NALCN: variants seen among roughly 807,000 people sequenced by gnomAD.
The protein encoded by NALCN is sodium leak channel NALCN.
Under a neutral mutation model 225.3 loss-of-function variants are expected in NALCN, and 111 were observed. The observed-to-expected ratio is 0.49, with a 90% confidence interval of 0.42 to 0.58. The LOEUF (loss-of-function observed/expected upper bound fraction) is 0.58, where lower values mean the gene tolerates loss of function less well. Ranked by LOEUF, NALCN falls within the 20% of genes least tolerant of loss-of-function variation. NALCN has a pLI of 0.00. For missense variants in NALCN, 1,378 were observed against 2,202.4 expected (o/e 0.63, Z 7.49); for synonymous variants, 764 against 769.0 (o/e 0.99, Z 0.11).
Position 101,068,726 on chromosome 13 carries a change from G to C in NALCN, c.4299C>G (p.Ile1433Met). 6.2e-7 allele frequency: 1 copy of C among 1,610,834 alleles called. No homozygotes were observed. Among genetic ancestry groups the C allele is most frequent in the Non-Finnish European group, 8.5e-7 (1 of 1,178,746 alleles). ...ALMYFCSFYVIIAYIMLNLLV... is the reference protein window; with the variant it reads ...ALMYFCSFYVMIAYIMLNLLV... ...GCAGATTTAGCATGATGTAGGCAAT[G>C]ATGACATAAAATGAACAGAAATACA... Residue 1433 changes from isoleucine (I) to methionine (M), a missense_variant, in exon 38 of 44, where the codon ATC becomes ATG. Ile to Met is a conservative substitution (Grantham distance 10). Coordinates refer to ENST00000251127, the MANE Select transcript of NALCN (RefSeq NM_052867.4).
chr13:101,057,994 A>C lies in NALCN; in HGVS notation c.4968T>G (p.Asp1656Glu). 1 of 1,613,918 alleles carries C rather than the reference A, an allele frequency of 6.2e-7. No homozygotes were observed. Among genetic ancestry groups the C allele is most frequent in the African/African-American group, 1.3e-5 (1 of 75,026 alleles). ...TLSDRGGSRQ[D>E]AADAGKPQRK... ...TCTGGGGTTTCCCTGCGTCGGCTGC[A>C]TCTTGCCGACTTCCTCCTCGATCCG... The change falls in exon 43 of 44, where the codon GAT becomes GAG. Residue 1656 changes from aspartate (D) to glutamate (E), a missense_variant. Coordinates refer to ENST00000251127, the MANE Select transcript of NALCN (RefSeq NM_052867.4).
chr13:101,194,362 T>C lies in NALCN; in HGVS notation c.1627-2308A>G, dbSNP rs113193273. On this transcript the variant is annotated intron_variant, in intron 13 of 43. Coordinates refer to ENST00000251127, the MANE Select transcript of NALCN (RefSeq NM_052867.4). Reference sequence around the variant, plus strand: ...TGTGACAATGGGATCTGTGTGTTTATGGCTGCTGAAATGAATAAACCAATG... The same window carrying C: ...TGTGACAATGGGATCTGTGTGTTTACGGCTGCTGAAATGAATAAACCAATG... 1.1e-3 allele frequency among the ~76,000 whole-genome samples: 161 copies of C among 152,326 alleles called. 1 individual carries two copies. Among genetic ancestry groups the C allele is most frequent in the Middle Eastern group, 0.01 (3 of 294 alleles).
intron 10 of NALCN, among the ~76,000 whole-genome samples, chr13:101,260,017 C>T (rs549825614): frequency 1.3e-5 from 2 of 151,944 alleles, no homozygotes; most frequent in African/African-American, 2.4e-5. Flanking sequence ...TGCCTCCCCC[C>T]GTCCCCCCAG....
chr13:101,061,851 G>T, intron 41 of NALCN, 117 bp downstream of exon 41: 1 of 940,130 alleles, frequency 1.1e-6, no homozygotes, highest in Non-Finnish European at 1.6e-6. Context: ...TAAAGGGATA[G>T]AAGGCTGATC....
At chr13:101,350,923 A>G (rs1456754130) in intron 6 of NALCN, among the ~76,000 whole-genome samples, 1 of 152,238 alleles carries the variant, frequency 6.6e-6, no homozygotes, top group African/African-American at 2.4e-5. Flanking sequence ...TTAACAGCCT[A>G]CAAAATTACA....
chr13:101,138,161 C>T (rs2036896373), intron 17 of NALCN, among the ~76,000 whole-genome samples: 1 of 152,192 alleles, frequency 6.6e-6, no homozygotes, highest in South Asian at 2.1e-4. Flanking sequence ...ATGTGCATTT[C>T]CTCCCATTGG....
intron 27 of NALCN, among the ~76,000 whole-genome samples, chr13:101,098,700 A>C (rs1276528671): frequency 1.3e-5 from 2 of 152,078 alleles, no homozygotes; most frequent in African/African-American, 4.8e-5. Context: ...CTTTGGATTT[A>C]TCTCTTCTTT....
intron 30 of NALCN, among the ~76,000 whole-genome samples, chr13:101,087,619 C>T (rs2033997687): frequency 6.6e-6 from 1 of 152,066 alleles, no homozygotes; most frequent in East Asian, 1.9e-4. Context: ...TCTTTAAGTG[C>T]CCATTTGAGC....
At chr13:101,250,889 G>C (rs560801447) in intron 11 of NALCN, among the ~76,000 whole-genome samples, 1 of 151,712 alleles carries the variant, frequency 6.6e-6, no homozygotes, top group Admixed American at 6.6e-5. Context: ...GGAAATTCAG[G>C]GCTGACAGAA....
At chr13:101,372,544 T>A (rs1460296721) in intron 6 of NALCN, among the ~76,000 whole-genome samples, 1 of 152,088 alleles carries the variant, frequency 6.6e-6, no homozygotes, top group Non-Finnish European at 1.5e-5. Flanking sequence ...CAAATAACAT[T>A]TTTAGAAAAT....
chr13:101,067,880 T>C (rs1429376154), intron 39 of NALCN, 38 bp downstream of exon 39: 5 of 1,374,420 alleles, frequency 3.6e-6, no homozygotes, highest in Non-Finnish European at 5.2e-6. Flanking sequence ...GATAAGTCTC[T>C]TTGAGGTGAG....
chr13:101,122,680 T>A (rs1416989049), intron 18 of NALCN, among the ~76,000 whole-genome samples: 1 of 152,240 alleles, frequency 6.6e-6, no homozygotes, highest in Admixed American at 6.5e-5. Context: ...CGCCATCCAA[T>A]CTATTCAATT....
chr13:101,296,890 G>A (rs1045945254), intron 7 of NALCN, among the ~76,000 whole-genome samples: 2 of 152,182 alleles, frequency 1.3e-5, no homozygotes, highest in African/African-American at 4.8e-5. Flanking sequence ...GATTAAATAA[G>A]AAGACCACAA....
intron 42 of NALCN, chr13:101,059,262 G>GACTT (rs1566766653): frequency 6.6e-6 from 1 of 152,284 alleles, no homozygotes; most frequent in South Asian, 2.1e-4. Context: ...AATATGCTGT[G>GACTT]ACTTAATAAA....
rs948505450 is a variant in NALCN, at chr13:101,080,728, AAAT to A, written c.3885+796_3885+798del. Among the ~76,000 whole-genome samples, 34 of 144,586 alleles carry A rather than the reference AAAT, an allele frequency of 2.4e-4. 1 individual carries two copies. Among genetic ancestry groups the A allele is most frequent in the African/African-American group, 6.8e-4 (27 of 39,770 alleles). 94.9% of individuals were successfully genotyped at this position (144,586 alleles called of 152,430 possible). A position where few individuals can be genotyped will look rare whatever the true frequency, so the allele number is the denominator to read the frequency against. On this transcript the variant is annotated intron_variant, in intron 34 of 43. Transcript: ENST00000251127. ...GCATCTTTTAATTAATACATATTTT[AAAT>A]AATAAAATATATTACATAATTAAAT...
intron 15 of NALCN, among the ~76,000 whole-genome samples, chr13:101,148,234 T>C (rs2037457722): frequency 6.6e-6 from 1 of 152,158 alleles, no homozygotes; most frequent in African/African-American, 2.4e-5. Context: ...AGCAGGGCCA[T>C]GCTCTCTCTG....
At chr13:101,076,981 G>A (rs891366354) in intron 34 of NALCN, among the ~76,000 whole-genome samples, 1 of 152,158 alleles carries the variant, frequency 6.6e-6, no homozygotes, top group Admixed American at 6.5e-5. Flanking sequence ...GAGGGACCAG[G>A]TGGAGATAAT....
intron 2 of NALCN, among the ~76,000 whole-genome samples, chr13:101,395,664 C>T (rs1175809565): frequency 6.6e-6 from 1 of 152,154 alleles, no homozygotes. Context: ...CCTGATCAGG[C>T]TCTCCCAAAC....
rs1323616883 is a variant in NALCN at position 101,260,005 on chromosome 13, C to G, written c.1135-1431G>C. Among the ~76,000 whole-genome samples, 3 of 151,914 alleles carry G rather than the reference C, an allele frequency of 2.0e-5. No homozygotes were observed. The East Asian group carries it at 5.8e-4, about 29-fold the overall frequency. ...ATTTTTTTTGTTCCCATTAACCATC[C>G]CTGCCTCCCCCCGTCCCCCCAGTAC... On this transcript the variant is annotated intron_variant, in intron 10 of 43. Coordinates refer to ENST00000251127, the MANE Select transcript of NALCN (RefSeq NM_052867.4).
Sources: allele counts gnomAD v4.1 joint callset (sites outside exome capture counted in the v4.1 genomes callset), GRCh38; gene constraint gnomAD v4.1.1; transcripts MANE v1.5; gene names NCBI Gene and HGNC (gene_info 2026-07-23, HGNC 2026-07-21).